CRACD: variants seen among roughly 807,000 people sequenced by gnomAD.
CRACD encodes the protein capping protein inhibiting regulator of actin dynamics, also known as capping protein-inhibiting regulator of actin dynamics.
Under a neutral mutation model 106.8 loss-of-function variants are expected in CRACD, and 56 were observed. The observed-to-expected ratio is 0.52, with a 90% confidence interval of 0.42 to 0.66. The LOEUF (loss-of-function observed/expected upper bound fraction) is 0.66, where lower values mean the gene tolerates loss of function less well. CRACD is among the 30% of genes least tolerant of loss of function. The pLI is 0.00. For missense variants in CRACD, 1,730 were observed against 1,623.2 expected (o/e 1.07, Z -1.13); for synonymous variants, 754 against 670.8 (o/e 1.12, Z -1.92).
At position 56,261,212 on chromosome 4, in the gene CRACD, A is replaced by C. The variant is rs1018626214; in HGVS notation, c.-188-11109A>C. ...TCCACCCAAAGTCAGTCATTGATTC[A>C]CGGCACCCTCTGAAACTCAAGCGGT... On this transcript the variant is annotated intron_variant, in intron 2 of 10. Coordinates refer to ENST00000682029, the MANE Select transcript of CRACD (RefSeq NM_001393381.1). Among the ~76,000 whole-genome samples, 7 of 152,070 alleles carry C rather than the reference A, an allele frequency of 4.6e-5. 1 individual carries two copies. Among genetic ancestry groups the C allele is most frequent in the Admixed American group, 2.6e-4 (4 of 15,240 alleles).
chr4:56,077,971 G>T (rs1030956448), intron 1 of CRACD, among the ~76,000 whole-genome samples: 8 of 152,142 alleles, frequency 5.3e-5, no homozygotes, highest in Admixed American at 5.2e-4. Context: ...TGAAAAATGG[G>T]AAAGGAGTAC....
At chr4:56,267,629 G>A (rs1318399489) in intron 2 of CRACD, among the ~76,000 whole-genome samples, 4 of 151,834 alleles carry the variant, frequency 2.6e-5, no homozygotes, top group South Asian at 2.1e-4. Context: ...TTTTTCTTAC[G>A]GTAAGAAGAA....
intron 2 of CRACD, among the ~76,000 whole-genome samples, chr4:56,243,755 T>TTATC (rs765379112): frequency 4.1e-4 from 63 of 152,266 alleles, no homozygotes; most frequent in South Asian, 8.3e-4. Context: ...CCTGAAGCAT[T>TTATC]TATCCTTCGA....
intron 9 of CRACD, among the ~76,000 whole-genome samples, chr4:56,323,829 C>G (rs1369426533): frequency 6.6e-6 from 1 of 152,208 alleles, no homozygotes; most frequent in Non-Finnish European, 1.5e-5. Context: ...ACATGAGAAA[C>G]ACAAACATTT....
chr4:56,078,561 C>T lies in CRACD; in HGVS notation c.-336+29262C>T, dbSNP rs2109805718. On this transcript the variant is annotated intron_variant, in intron 1 of 10. Transcript: ENST00000682029. The stretch of plus-strand genomic sequence containing the variant: ...AGATGGCACTACAGGCATGCGCCAC[C>T]ATGCCTGACTGATTTTTTTAAATTC... Among the ~76,000 whole-genome samples, 3 of 152,256 alleles carry T rather than the reference C, an allele frequency of 2.0e-5. No homozygotes were observed. In the South Asian group the frequency reaches 6.2e-4, roughly 32 times the overall value.
At chr4:56,296,171 G>A (rs576024666) in intron 3 of CRACD, among the ~76,000 whole-genome samples, 123 of 152,164 alleles carry the variant, frequency 8.1e-4, no homozygotes, top group Non-Finnish European at 4.1e-4. Context: ...ATGGCAGCTG[G>A]CTGGCATGAG....
chr4:56,156,595 T>C (rs2109897619), intron 1 of CRACD, among the ~76,000 whole-genome samples: 1 of 152,358 alleles, frequency 6.6e-6, no homozygotes, highest in Non-Finnish European at 1.5e-5. Context: ...ACAACATTTT[T>C]CCTGACTTCT....
chr4:56,167,495 A>G (rs1577706466), intron 1 of CRACD, among the ~76,000 whole-genome samples: 1 of 152,134 alleles, frequency 6.6e-6, no homozygotes, highest in African/African-American at 2.4e-5. Flanking sequence ...GAAACTTTGT[A>G]CCCTTTGACC....
At chr4:56,055,722 G>C (rs1732035225) in intron 1 of CRACD, among the ~76,000 whole-genome samples, 1 of 152,184 alleles carries the variant, frequency 6.6e-6, no homozygotes, top group African/African-American at 2.4e-5. Context: ...GCAAGTTTGT[G>C]ATGGGTTAAC....
At chr4:56,126,936 G>C (rs886537436) in intron 1 of CRACD, among the ~76,000 whole-genome samples, 1 of 152,056 alleles carries the variant, frequency 6.6e-6, no homozygotes, top group African/African-American at 2.4e-5. Flanking sequence ...AAAAGAATTG[G>C]TTTGCTCTCC....
chr4:56,185,208 C>T (rs991961650), intron 2 of CRACD, among the ~76,000 whole-genome samples: 4 of 152,264 alleles, frequency 2.6e-5, no homozygotes, highest in African/African-American at 7.2e-5. Flanking sequence ...CTGCCCACCT[C>T]GGCCTCCCAA....
intron 9 of CRACD, 145 bp from the exon 10 acceptor site, chr4:56,323,959 G>A (rs1178100912): frequency 1.9e-5 from 16 of 852,198 alleles, no homozygotes; most frequent in South Asian, 3.8e-5. Context: ...GTGGTTGAGC[G>A]TACATGGCTC....
At chr4:56,296,156 A>C (rs1247347355) in intron 3 of CRACD, among the ~76,000 whole-genome samples, 1 of 152,100 alleles carries the variant, frequency 6.6e-6, no homozygotes, top group Non-Finnish European at 1.5e-5. Flanking sequence ...CTACCACTTT[A>C]AAATATGGCA....
chr4:56,250,901 C>T (rs1007680730), intron 2 of CRACD, among the ~76,000 whole-genome samples: 11 of 152,158 alleles, frequency 7.2e-5, no homozygotes, highest in African/African-American at 1.2e-4. Context: ...AAGCATATTT[C>T]GAAATAACTG....
At chr4:56,125,593 T>G (rs1390681094) in intron 1 of CRACD, among the ~76,000 whole-genome samples, 3 of 151,868 alleles carry the variant, frequency 2.0e-5, no homozygotes, top group Non-Finnish European at 4.4e-5. Context: ...TTATTTTATT[T>G]TTTTGTGGAG....
At chr4:56,115,424 T>C (rs1239673588) in intron 1 of CRACD, among the ~76,000 whole-genome samples, 1 of 152,208 alleles carries the variant, frequency 6.6e-6, no homozygotes, top group Non-Finnish European at 1.5e-5. Flanking sequence ...CCTTGTCTTA[T>C]TAGAAAAATA....
At chr4:56,211,662 G>A (rs1014386710) in intron 2 of CRACD, among the ~76,000 whole-genome samples, 5 of 152,220 alleles carry the variant, frequency 3.3e-5, no homozygotes, top group South Asian at 2.1e-4. Context: ...AGCTGAGTCC[G>A]GGGCTTTTAT....
chr4:56,199,013 T>C (rs1459922268), intron 2 of CRACD, among the ~76,000 whole-genome samples: 1 of 152,106 alleles, frequency 6.6e-6, no homozygotes, highest in African/African-American at 2.4e-5. Context: ...GTGGGCTCCT[T>C]TTCATCTCCT....
intron 1 of CRACD, among the ~76,000 whole-genome samples, chr4:56,104,472 G>A (rs1432399934): frequency 1.3e-5 from 2 of 152,160 alleles, no homozygotes; most frequent in Non-Finnish European, 2.9e-5. Flanking sequence ...GCAACAGGGA[G>A]CAAATACACA....
Sources: gnomAD v4.1 joint callset for allele counts (sites outside exome capture counted in the v4.1 genomes callset) on GRCh38, gnomAD v4.1.1 for gene constraint, MANE v1.5 for transcripts, NCBI Gene and HGNC (gene_info 2026-07-23, HGNC 2026-07-21) for gene names.